Variants in ARHGAP28 observed in about 807,000 individuals in gnomAD.
ARHGAP28 encodes the protein rho GTPase-activating protein 28.
ARHGAP28 carries 56 observed loss-of-function variants against 90.7 expected under a neutral mutation model. The observed-to-expected ratio is 0.62, with a 90% CI of 0.50 to 0.77. ARHGAP28 has a LOEUF of 0.77. Among genes scored for constraint, ARHGAP28 ranks in the 30% least tolerant of loss-of-function variants. The probability of loss-of-function intolerance (pLI) is 0.00; values close to 1 mark genes in which losing one functional copy is unlikely to be tolerated. For synonymous variants in ARHGAP28, 308 were observed against 323.3 expected (o/e 0.95, Z 0.51); for missense variants, 869 against 900.9 (o/e 0.96, Z 0.45).
intron 17 of ARHGAP28, among the ~76,000 whole-genome samples, chr18:6,911,582 C>G (rs1298549211): frequency 6.6e-6 from 1 of 151,930 alleles, no homozygotes; most frequent in African/African-American, 2.4e-5. Context: ...ATTACAGGCG[C>G]CTACCACCAC....
chr18:6,789,546 G>T (rs1400075447), intron 1 of ARHGAP28: 5 of 152,222 alleles, frequency 3.3e-5, no homozygotes, highest in African/African-American at 4.8e-5. Flanking sequence ...CCGCACTCCA[G>T]CCTGGGCGAC....
chr18:6,758,031 A>G (rs2056126350), intron 1 of ARHGAP28, among the ~76,000 whole-genome samples: 2 of 152,292 alleles, frequency 1.3e-5, no homozygotes, highest in South Asian at 2.1e-4. Flanking sequence ...AAGTACCACT[A>G]AGTCCTTTTT....
chr18:6,801,612 T>C (rs1264123593), intron 1 of ARHGAP28, among the ~76,000 whole-genome samples: 1 of 152,168 alleles, frequency 6.6e-6, no homozygotes, highest in African/African-American at 2.4e-5. Context: ...TTGACATCTT[T>C]TTTTTAATGT....
At chr18:6,836,096 A>C (rs1475940169) in intron 2 of ARHGAP28, 1 of 152,134 alleles carries the variant, frequency 6.6e-6, no homozygotes, top group African/African-American at 2.4e-5. Flanking sequence ...TCCCTCTTAC[A>C]GGAAACTCGT....
At chr18:6,887,711 C>G (rs1234365083) in intron 12 of ARHGAP28, among the ~76,000 whole-genome samples, 1 of 152,158 alleles carries the variant, frequency 6.6e-6, no homozygotes, top group Non-Finnish European at 1.5e-5. Context: ...GTGTGAGCCA[C>G]CACGCCCGGG....
At position 6,838,111 on chromosome 18, in the gene ARHGAP28, A is replaced by G. The variant is rs1009173317; in HGVS notation, c.543+697A>G. ...TTGCACAATTGCAATGTTACATTACAATAATTGCATCACAGATGCGACAGA... is the reference window on the plus strand; with the variant it reads ...TTGCACAATTGCAATGTTACATTACGATAATTGCATCACAGATGCGACAGA... On this transcript the variant is annotated intron_variant, in intron 3 of 17. Transcript: ENST00000383472. Among the ~76,000 whole-genome samples the G allele has an allele frequency of 1.5e-4, 23 of 152,362 alleles. 2 individuals carry two copies. Among genetic ancestry groups the G allele is most frequent in the Admixed American group, 1.1e-3 (17 of 15,300 alleles).
chr18:6,873,668 C>G lies in ARHGAP28; in HGVS notation c.1121-16C>G, dbSNP rs376800449. ...AATTCTTTTTTTTTTTCCCCCTTTA[C>G]TGTCTCACAATGAAGACAATGGGAT... On this transcript the variant is annotated splice_polypyrimidine_tract_variant and intron_variant, in intron 8 of 17. Transcript: ENST00000383472. 12 of 1,607,652 alleles carry G rather than the reference C, an allele frequency of 7.5e-6. No individual in the cohort carries two copies. The highest frequency in any genetic ancestry group is 1.0e-5 in the Non-Finnish European group (12 of 1,176,114).
intron 1 of ARHGAP28, among the ~76,000 whole-genome samples, chr18:6,735,916 T>C (rs554013171): frequency 6.6e-6 from 1 of 152,302 alleles, no homozygotes; most frequent in Admixed American, 6.5e-5. Flanking sequence ...GAGGGCATCA[T>C]ACAGCGGGTA....
chr18:6,838,706 G>C (rs2056773178), intron 3 of ARHGAP28, among the ~76,000 whole-genome samples: 1 of 152,158 alleles, frequency 6.6e-6, no homozygotes, highest in South Asian at 2.1e-4. Flanking sequence ...GAATAACATA[G>C]TTCTAGAATC....
At chr18:6,768,306 C>T (rs891322873) in intron 1 of ARHGAP28, among the ~76,000 whole-genome samples, 3 of 152,052 alleles carry the variant, frequency 2.0e-5, no homozygotes, top group Non-Finnish European at 2.9e-5. Context: ...TTTCTTGCTT[C>T]TTTGCATATA....
In ARHGAP28 at chr18:6,768,311, C is replaced by T. The variant is rs998879589; in HGVS notation, c.122+38368C>T. ...TGAGCCTCATTTTCTTGCTTCTTTG[C>T]ATATATGTAGTTTTTTAGTTAATGC... On this transcript the variant is annotated intron_variant, in intron 1 of 17. Coordinates refer to ENST00000383472, the MANE Select transcript of ARHGAP28 (RefSeq NM_001366230.1). 4.6e-5 allele frequency among the ~76,000 whole-genome samples: 7 copies of T among 152,162 alleles called. No homozygotes were observed. In the South Asian group the frequency reaches 1.5e-3, roughly 32 times the overall value.
intron 17 of ARHGAP28, among the ~76,000 whole-genome samples, chr18:6,909,304 T>TCTTTTCTTTTCTTTTC (rs1600313673): frequency 7.1e-4 from 100 of 140,072 alleles, no homozygotes; most frequent in Middle Eastern, 3.9e-3. Context: ...TCTTTTCTTT[T>TCTTTTCTTTTCTTTTC]TTTTTTGAGA....
intron 1 of ARHGAP28, among the ~76,000 whole-genome samples, chr18:6,734,092 C>T (rs1262306715): frequency 6.6e-6 from 1 of 152,138 alleles, no homozygotes; most frequent in Non-Finnish European, 1.5e-5. Flanking sequence ...ATTGTATATC[C>T]ACATCCTATT....
intron 1 of ARHGAP28, among the ~76,000 whole-genome samples, chr18:6,803,062 A>G (rs1600198680): frequency 6.6e-6 from 1 of 152,070 alleles, no homozygotes; most frequent in Admixed American, 6.6e-5. Flanking sequence ...TTTCTTTCCA[A>G]TCTGGATACC....
At chr18:6,842,915 C>T (rs2056838358) in intron 3 of ARHGAP28, among the ~76,000 whole-genome samples, 1 of 152,050 alleles carries the variant, frequency 6.6e-6, no homozygotes, top group African/African-American at 2.4e-5. Context: ...GACATGTGCC[C>T]ATTTTATGTT....
chr18:6,892,896 G>T (rs999926692), intron 14 of ARHGAP28, among the ~76,000 whole-genome samples: 2 of 152,238 alleles, frequency 1.3e-5, no homozygotes, highest in African/African-American at 4.8e-5. Context: ...AATTCTGCCT[G>T]AGTCCTCACT....
chr18:6,799,217 C>T (rs920851127), intron 1 of ARHGAP28, among the ~76,000 whole-genome samples: 1 of 152,144 alleles, frequency 6.6e-6, no homozygotes, highest in Non-Finnish European at 1.5e-5. Flanking sequence ...ACAATGGTTT[C>T]TGCTCAAGGA....
chr18:6,793,869 A>G (rs2056423016), intron 1 of ARHGAP28, among the ~76,000 whole-genome samples: 1 of 152,106 alleles, frequency 6.6e-6, no homozygotes, highest in Admixed American at 6.6e-5. Flanking sequence ...GTCCGAGATT[A>G]CTTGCTAGAG....
intron 9 of ARHGAP28, among the ~76,000 whole-genome samples, chr18:6,875,411 T>C (rs573828484): frequency 1.3e-5 from 2 of 152,252 alleles, no homozygotes; most frequent in East Asian, 3.9e-4. Flanking sequence ...GAAAGGAAAA[T>C]AGCAGAGAAG....
Sources: allele counts gnomAD v4.1 joint callset (sites outside exome capture counted in the v4.1 genomes callset), GRCh38; gene constraint gnomAD v4.1.1; transcripts MANE v1.5; gene names NCBI Gene and HGNC (gene_info 2026-07-23, HGNC 2026-07-21).